The following TBC1D19 variants were observed in gnomAD, a reference collection of about 807,000 sequenced individuals.
TBC1D19 encodes TBC1 domain family member 19.
Under a neutral mutation model 89.0 loss-of-function variants are expected in TBC1D19, and 60 were observed. The observed-to-expected ratio is 0.67, with a 90% CI of 0.55 to 0.84. TBC1D19 has a LOEUF of 0.84. TBC1D19 is among the 40% of genes least tolerant of loss of function. TBC1D19 has a pLI of 0.00. For missense variants in TBC1D19, 500 were observed against 610.8 expected, an observed-to-expected ratio of 0.82 and a Z score of 1.91; for synonymous variants, 189 against 199.7, an observed-to-expected ratio of 0.95 and a Z score of 0.45.
chr4:26,839,537 G>A, the TBC1D19 span, among the ~76,000 whole-genome samples: 1 of 151,746 alleles, frequency 6.6e-6, no homozygotes, highest in African/African-American at 2.4e-5. Flanking sequence ...GGGAGGCATA[G>A]GGATAGCAGG....
chr4:26,764,172 A>C, the TBC1D19 span, among the ~76,000 whole-genome samples: 2 of 152,206 alleles, frequency 1.3e-5, no homozygotes, highest in East Asian at 3.8e-4. Flanking sequence ...ATATTTATCA[A>C]TGTAATATTT....
the TBC1D19 span, chr4:26,858,762 T>C: frequency 6.6e-6 from 1 of 152,248 alleles, no homozygotes; most frequent in Non-Finnish European, 1.5e-5. Context: ...TTCCTGGCCT[T>C]GGTCTTTTGA....
chr4:26,757,404 C>A (rs1434128013), downstream of TBC1D19, among the ~76,000 whole-genome samples: 6 of 152,164 alleles, frequency 3.9e-5, no homozygotes, highest in Non-Finnish European at 8.8e-5. Flanking sequence ...CTTCCAACCC[C>A]TGACACCCCC....
chr4:26,605,959 T>A (rs915058146), intron 1 of TBC1D19, among the ~76,000 whole-genome samples: 1 of 152,236 alleles, frequency 6.6e-6, no homozygotes, highest in Non-Finnish European at 1.5e-5. Context: ...GTTTTTGTTT[T>A]AATTTCCAAT....
chr4:26,772,194 G>A, the TBC1D19 span, among the ~76,000 whole-genome samples: 84 of 149,372 alleles, frequency 5.6e-4, no homozygotes, highest in Non-Finnish European at 1.0e-3. Flanking sequence ...TAAGGAGTCC[G>A]GCTCCTGGCC....
At chr4:26,713,088 C>T (rs930595294) in intron 13 of TBC1D19, among the ~76,000 whole-genome samples, 1 of 151,618 alleles carries the variant, frequency 6.6e-6, no homozygotes, top group African/African-American at 2.4e-5. Flanking sequence ...ATTTTTAGAG[C>T]CTAATGGTTT....
the TBC1D19 span, among the ~76,000 whole-genome samples, chr4:26,851,307 A>ATCTATCTATCTGTCTG: frequency 0.01 from 473 of 45,462 alleles, 7 homozygotes; most frequent in African/African-American, 0.031. Context: ...TAAATACCCT[A>ATCTATCTATCTGTCTG]TCTATCTATC....
intron 12 of TBC1D19, among the ~76,000 whole-genome samples, chr4:26,684,261 CT>C (rs1713616268): frequency 6.6e-6 from 1 of 152,178 alleles, no homozygotes; most frequent in Non-Finnish European, 1.5e-5. Flanking sequence ...TGAGTTAACG[CT>C]TTCATCACTG....
downstream of TBC1D19, among the ~76,000 whole-genome samples, chr4:26,759,133 C>T (rs1578026933): frequency 5.3e-5 from 8 of 152,272 alleles, no homozygotes; most frequent in South Asian, 1.7e-3. Context: ...AATCCTTAAC[C>T]CCTACATATA....
downstream of TBC1D19, among the ~76,000 whole-genome samples, chr4:26,757,760 C>T (rs746901062): frequency 5.6e-4 from 85 of 152,248 alleles, no homozygotes; most frequent in Middle Eastern, 6.8e-3. Context: ...TTTCTCTCCC[C>T]CCAGATTTAT....
intron 13 of TBC1D19, among the ~76,000 whole-genome samples, chr4:26,696,224 A>G (rs1269733426): frequency 2.0e-5 from 3 of 152,222 alleles, no homozygotes; most frequent in South Asian, 2.1e-4. Context: ...CTCTGATAAA[A>G]CAGACTTTAA....
At chr4:26,688,453 C>T (rs2109158414) in intron 13 of TBC1D19, 46 bp downstream of exon 13, 1 of 1,470,088 alleles carries the variant, frequency 6.8e-7, no homozygotes, top group East Asian at 2.7e-5. Context: ...TTTAGGTTCT[C>T]TATATCATGA....
At chr4:26,625,451 A>G (rs1453947903) in intron 4 of TBC1D19, among the ~76,000 whole-genome samples, 1 of 152,182 alleles carries the variant, frequency 6.6e-6, no homozygotes, top group African/African-American at 2.4e-5. Flanking sequence ...TATTATTAGC[A>G]TCTTAACATT....
chr4:26,667,565 T>C (rs1185333007), intron 9 of TBC1D19, among the ~76,000 whole-genome samples: 1 of 152,050 alleles, frequency 6.6e-6, no homozygotes, highest in Non-Finnish European at 1.5e-5. Context: ...ACTGGATGCA[T>C]ATACCACACA....
chr4:26,710,279 G>T (rs575978546), intron 13 of TBC1D19, among the ~76,000 whole-genome samples: 13 of 152,196 alleles, frequency 8.5e-5, no homozygotes. Context: ...AGAACATGCG[G>T]TGTTTGGTTT....
At chr4:26,602,012 C>G (rs904410829) in intron 1 of TBC1D19, among the ~76,000 whole-genome samples, 19 of 152,102 alleles carry the variant, frequency 1.2e-4, no homozygotes, top group Non-Finnish European at 1.3e-4. Context: ...ATCTTGCTTA[C>G]TGGACAATAA....
At chr4:26,603,160 T>C (rs1740746014) in intron 1 of TBC1D19, among the ~76,000 whole-genome samples, 1 of 152,224 alleles carries the variant, frequency 6.6e-6, no homozygotes, top group South Asian at 2.1e-4. Context: ...AAATAAAAAT[T>C]AGTTTTGCAA....
the TBC1D19 span, among the ~76,000 whole-genome samples, chr4:26,804,991 G>C: frequency 6.6e-6 from 1 of 152,284 alleles, no homozygotes; most frequent in African/African-American, 2.4e-5. Flanking sequence ...AAAGGAAGCA[G>C]CGTGAAGATT....
At chr4:26,677,414 G>A (rs903797919) in intron 11 of TBC1D19, among the ~76,000 whole-genome samples, 3 of 151,430 alleles carry the variant, frequency 2.0e-5, no homozygotes, top group African/African-American at 7.3e-5. Context: ...CGCCTCCCAG[G>A]TTCACGCCAT....
Sources: gnomAD v4.1 joint callset for allele counts (sites outside exome capture counted in the v4.1 genomes callset) on GRCh38, gnomAD v4.1.1 for gene constraint, MANE v1.5 for transcripts, NCBI Gene and HGNC (gene_info 2026-07-23, HGNC 2026-07-21) for gene names.